Variants in DGKH observed in about 807,000 individuals in gnomAD.
The protein encoded by DGKH is DAG kinase eta.
Under a neutral mutation model 159.3 loss-of-function variants are expected in DGKH, and 90 were observed. That is an observed-to-expected ratio of 0.57 (90% CI 0.48 to 0.67). The LOEUF (loss-of-function observed/expected upper bound fraction) is 0.67, where lower values mean the gene tolerates loss of function less well. Ranked by LOEUF, DGKH falls within the 30% of genes least tolerant of loss-of-function variation. The pLI, the probability that DGKH is intolerant of heterozygous loss-of-function variation, is 0.00. For missense variants in DGKH, 1,181 were observed against 1,506.1 expected, an observed-to-expected ratio of 0.78 and a Z score of 3.57; for synonymous variants, 536 against 553.8, an observed-to-expected ratio of 0.97 and a Z score of 0.45.
chr13:42,252,448 G>C (rs1958627211), exon 30 of DGKH: 1 of 152,068 alleles, frequency 6.6e-6, no homozygotes, highest in Non-Finnish European at 1.5e-5. Flanking sequence ...TGCTTCTCTA[G>C]GAATCCAAGG....
Position 42,221,341 on chromosome 13 carries a change from C to A in DGKH, c.3520C>A (p.Arg1174Ser). ...GGGAGAGTACAAAGATATCTTCATC[C>A]GTCATGACATCAGAGGGGCTGAACT... Reference protein sequence around the residue: ...NLGEYKDIFIRHDIRGAELLH... With the variant: ...NLGEYKDIFISHDIRGAELLH... Residue 1174 changes from arginine (R) to serine (S), a missense_variant, in exon 29 of 30, where the codon CGT becomes AGT. Transcript: ENST00000337343. The A allele has an allele frequency of 6.2e-7, 1 of 1,613,768 alleles. No homozygotes were observed. Among genetic ancestry groups the A allele is most frequent in the Non-Finnish European group, 8.5e-7 (1 of 1,179,716 alleles).
At chr13:42,187,695 A>G (rs773479131) in intron 14 of DGKH, among the ~76,000 whole-genome samples, 6 of 152,052 alleles carry the variant, frequency 3.9e-5, no homozygotes, top group Non-Finnish European at 5.9e-5. Flanking sequence ...TGAAGGGGAG[A>G]TGCATAGCAG....
chr13:42,181,255 C>T (rs1956752461), intron 13 of DGKH, among the ~76,000 whole-genome samples: 1 of 130,404 alleles, frequency 7.7e-6, no homozygotes, highest in African/African-American at 2.7e-5. Context: ...CCCGCCTGGG[C>T]CACAGAGCGA....
chr13:42,108,061 C>T (rs1035053262), intron 1 of DGKH, among the ~76,000 whole-genome samples: 10 of 152,106 alleles, frequency 6.6e-5, no homozygotes, highest in East Asian at 3.9e-4. Context: ...TTTTCACACT[C>T]GGGCCAAACT....
chr13:42,250,118 A>T (rs1958611217), intron 29 of DGKH, among the ~76,000 whole-genome samples: 1 of 151,594 alleles, frequency 6.6e-6, no homozygotes, highest in Non-Finnish European at 1.5e-5. Flanking sequence ...CTACAGGCAC[A>T]TGCCACCACA....
intron 13 of DGKH, among the ~76,000 whole-genome samples, chr13:42,182,500 T>C (rs1179248007): frequency 6.6e-6 from 1 of 152,206 alleles, no homozygotes; most frequent in East Asian, 1.9e-4. Flanking sequence ...TATTTGCATA[T>C]AACCTACACA....
chr13:42,197,462 T>C (rs1957231106), intron 17 of DGKH, among the ~76,000 whole-genome samples: 1 of 152,060 alleles, frequency 6.6e-6, no homozygotes, highest in Admixed American at 6.6e-5. Context: ...ACAAAATTCA[T>C]TGTATTTGAT....
chr13:42,206,040 G>A lies in DGKH; in HGVS notation c.2495G>A (p.Cys832Tyr). Residue 832 changes from cysteine to tyrosine, a missense_variant and splice_region_variant, in exon 21 of 30, where the codon TGT becomes TAT. Cys to Tyr is a radical substitution (Grantham distance 194, BLOSUM62 -2). Coordinates refer to ENST00000337343, the MANE Select transcript of DGKH (RefSeq NM_178009.5). ...TTTTTTTTTTTTTTTACCTTACAGT[G>A]TGATGGGCAGTATATTCCTCTTCCC... Reference protein sequence around the residue: ...KNLEQRVQLECDGQYIPLPSL... With the variant: ...KNLEQRVQLEYDGQYIPLPSL... 1.5e-6 allele frequency: 2 copies of A among 1,308,268 alleles called. No homozygotes were observed. The highest frequency in any genetic ancestry group is 2.0e-6 in the Non-Finnish European group (2 of 1,006,242). 81.0% of individuals were successfully genotyped at this position (1,308,268 alleles called of 1,614,324 possible). A position where few individuals can be genotyped will look rare whatever the true frequency, so the allele number is the denominator to read the frequency against.
At chr13:42,078,431 C>T (rs1401524826) in intron 1 of DGKH, among the ~76,000 whole-genome samples, 1 of 152,214 alleles carries the variant, frequency 6.6e-6, no homozygotes, top group Non-Finnish European at 1.5e-5. Context: ...CAAACACATA[C>T]TTCTGTTGGA....
chr13:42,040,968 C>G (rs1880461020), intron 1 of DGKH, among the ~76,000 whole-genome samples: 1 of 151,318 alleles, frequency 6.6e-6, no homozygotes, highest in South Asian at 2.1e-4. Flanking sequence ...GCGCCCACCC[C>G]CTCCCGCTTC....
chr13:42,072,712 T>A (rs1018280612), intron 1 of DGKH, among the ~76,000 whole-genome samples: 2 of 152,186 alleles, frequency 1.3e-5, no homozygotes, highest in African/African-American at 2.4e-5. Flanking sequence ...AATTAACACC[T>A]TATAGAATGT....
intron 29 of DGKH, among the ~76,000 whole-genome samples, chr13:42,225,981 G>A (rs1958120839): frequency 6.6e-6 from 1 of 151,972 alleles, no homozygotes; most frequent in Admixed American, 6.6e-5. Context: ...CTTCTGCACA[G>A]CAAAAGAAAC....
intron 3 of DGKH, among the ~76,000 whole-genome samples, chr13:42,148,080 A>G (rs1184741463): frequency 6.6e-6 from 1 of 152,200 alleles, no homozygotes; most frequent in African/African-American, 2.4e-5. Context: ...TAATGTCAGT[A>G]AATTCTTTGC....
chr13:42,150,865 T>C (rs1594100069), intron 3 of DGKH, among the ~76,000 whole-genome samples: 1 of 152,108 alleles, frequency 6.6e-6, no homozygotes, highest in Non-Finnish European at 1.5e-5. Flanking sequence ...AGAAACTTTG[T>C]AATTGTGATC....
At chr13:42,075,177 CTG>C (rs1489621443) in intron 1 of DGKH, among the ~76,000 whole-genome samples, 1 of 152,042 alleles carries the variant, frequency 6.6e-6, no homozygotes, top group Admixed American at 6.6e-5. Flanking sequence ...ATACTTTTTC[CTG>C]TGTTAGTCGT....
Position 42,227,729 on chromosome 13 carries a change from A to G in DGKH, c.3574-1370A>G, listed in dbSNP as rs1330328568. Among the ~76,000 whole-genome samples, 3 of 152,206 alleles carry G rather than the reference A, an allele frequency of 2.0e-5. No individual in the cohort carries two copies. In the East Asian group the frequency reaches 5.8e-4, roughly 29 times the overall value. ...ATCTTGAAATTATCTCAAGTTTGAC[A>G]ATAGCATTGGCTATGGAAAGAGTAT... On this transcript the variant is annotated intron_variant, in intron 29 of 29. Coordinates refer to ENST00000337343, the MANE Select transcript of DGKH (RefSeq NM_178009.5).
At chr13:42,249,084 A>G (rs1958601910) in intron 29 of DGKH, among the ~76,000 whole-genome samples, 1 of 152,230 alleles carries the variant, frequency 6.6e-6, no homozygotes, top group African/African-American at 2.4e-5. Flanking sequence ...TAAAAAAATT[A>G]CTGATTGTGG....
chr13:42,099,990 T>C (rs904704540), intron 1 of DGKH, among the ~76,000 whole-genome samples: 3 of 152,178 alleles, frequency 2.0e-5, no homozygotes, highest in East Asian at 1.9e-4. Context: ...ATTGTGAAAA[T>C]TTACACATTA....
At chr13:42,227,776 G>C (rs1362488847) in intron 29 of DGKH, among the ~76,000 whole-genome samples, 1 of 152,164 alleles carries the variant, frequency 6.6e-6, no homozygotes, top group Non-Finnish European at 1.5e-5. Flanking sequence ...ATTCATTACT[G>C]CTAAAGAACT....
Sources: gnomAD v4.1 joint callset for allele counts (sites outside exome capture counted in the v4.1 genomes callset) on GRCh38, gnomAD v4.1.1 for gene constraint, MANE v1.5 for transcripts, NCBI Gene and HGNC (gene_info 2026-07-23, HGNC 2026-07-21) for gene names.